FAIM2: variants seen among roughly 807,000 people sequenced by gnomAD.
The protein encoded by FAIM2 is protein lifeguard 2.
In FAIM2, 27 loss-of-function variants were observed where a neutral mutation model predicts 47.4. The ratio of observed to expected loss-of-function variants is 0.57; its 90% CI spans 0.42 to 0.78. FAIM2 has a LOEUF of 0.78. Ranked by LOEUF, FAIM2 falls within the 30% of genes least tolerant of loss-of-function variation. FAIM2 has a pLI of 0.00. For synonymous variants in FAIM2, 156 were observed against 159.3 expected (o/e 0.98, Z 0.16); for missense variants, 311 against 389.4 (o/e 0.80, Z 1.69).
chr12:49,898,520 TTTTTG>T (rs1307523121), intron 2 of FAIM2, among the ~76,000 whole-genome samples: 14 of 152,022 alleles, frequency 9.2e-5, no homozygotes, highest in African/African-American at 1.7e-4. Context: ...ATTCTTTTTG[TTTTTG>T]TTTTGTTTTG....
At chr12:49,882,311 C>T (rs573595174) in intron 11 of FAIM2, among the ~76,000 whole-genome samples, 17 of 152,220 alleles carry the variant, frequency 1.1e-4, no homozygotes, top group South Asian at 1.0e-3. Flanking sequence ...CCACAGAGTC[C>T]GCAGGCCTGA....
chr12:49,877,312 C>G (rs1044667301), intron 11 of FAIM2, among the ~76,000 whole-genome samples: 1 of 152,164 alleles, frequency 6.6e-6, no homozygotes, highest in Non-Finnish European at 1.5e-5. Context: ...ACTGATCAGT[C>G]CACCCACCCC....
rs372578269 is a variant in FAIM2, at chr12:49,879,160, ATG to A, written c.801+8224_801+8225del. ...TGCATGTTTGTGTATGTGCATGTGT[ATG>A]TGTGTGTGCATGAGTGCATGTGTAT... On this transcript the variant is annotated intron_variant, in intron 11 of 11. Coordinates refer to ENST00000320634, the MANE Select transcript of FAIM2 (RefSeq NM_012306.4). Among the ~76,000 whole-genome samples, 615 of 123,672 alleles carry A rather than the reference ATG, an allele frequency of 5.0e-3. 94 individuals carry two copies. Among genetic ancestry groups the A allele is most frequent in the African/African-American group, 0.017 (530 of 31,802 alleles). The allele number at this position is 123,672 out of a possible 152,430, so 81.1% of individuals were successfully genotyped here.
intron 1 of FAIM2, chr12:49,902,784 G>C (rs1323332187): frequency 6.6e-6 from 1 of 151,840 alleles, no homozygotes; most frequent in African/African-American, 2.4e-5. Flanking sequence ...CCGCCCCCCA[G>C]AGCCTCCTGG....
At chr12:49,883,182 G>A (rs931856952) in intron 11 of FAIM2, among the ~76,000 whole-genome samples, 1 of 152,118 alleles carries the variant, frequency 6.6e-6, no homozygotes, top group African/African-American at 2.4e-5. Flanking sequence ...AAGCGATTGC[G>A]GGATGCTCAA....
chr12:49,880,285 TGA>T (rs558656873), intron 11 of FAIM2, among the ~76,000 whole-genome samples: 273 of 148,288 alleles, frequency 1.8e-3, no homozygotes, highest in African/African-American at 5.8e-3. Context: ...TGTATGCATA[TGA>T]GTGTATCTGT....
intron 8 of FAIM2, among the ~76,000 whole-genome samples, chr12:49,889,792 G>GGTGGGA (rs1262935095): frequency 6.6e-6 from 1 of 152,180 alleles, no homozygotes; most frequent in Non-Finnish European, 1.5e-5. Context: ...ATCTTGATGA[G>GGTGGGA]GTGGGAGTGG....
chr12:49,889,020 C>A, intron 10 of FAIM2, 87 bp downstream of exon 10: 1 of 983,818 alleles, frequency 1.0e-6, no homozygotes, highest in Non-Finnish European at 1.6e-6. Flanking sequence ...TCCTGGCCTT[C>A]CCTGGCGGAT....
In FAIM2 at chr12:49,901,340, CAGAG is replaced by C. The variant is rs553731531; in HGVS notation, c.16-19_16-16del. On this transcript the variant is annotated splice_polypyrimidine_tract_variant and intron_variant, in intron 1 of 11. Coordinates refer to ENST00000320634, the MANE Select transcript of FAIM2 (RefSeq NM_012306.4). The stretch of plus-strand genomic sequence containing the variant: ...GCCACGGAGAGCTATGGAGTAGAGT[CAGAG>C]AGAGAGATAGTCACCAGGGAAAGGG... The C allele has an allele frequency of 4.7e-4, 720 of 1,517,506 alleles. No homozygotes were observed. Among genetic ancestry groups the C allele is most frequent in the Admixed American group, 2.1e-3 (95 of 44,332 alleles). 94.0% of individuals were successfully genotyped at this position (1,517,506 alleles called of 1,614,324 possible). A position where few individuals can be genotyped will look rare whatever the true frequency, so the allele number is the denominator to read the frequency against.
At chr12:49,890,921 G>A in intron 6 of FAIM2, 143 bp downstream of exon 6, 1 of 897,788 alleles carries the variant, frequency 1.1e-6, no homozygotes, top group Admixed American at 1.8e-5. Flanking sequence ...AAGGAGGGAG[G>A]GGCTGCCTGC....
At chr12:49,897,152 C>T in intron 4 of FAIM2, 68 bp from the exon 5 acceptor site, 1 of 1,256,120 alleles carries the variant, frequency 8.0e-7, no homozygotes, top group Non-Finnish European at 1.2e-6. Flanking sequence ...GGTTCAGCAT[C>T]TGCATCTGTC....
chr12:49,888,768 C>T (rs1052149315), intron 10 of FAIM2, among the ~76,000 whole-genome samples: 3 of 152,196 alleles, frequency 2.0e-5, no homozygotes, highest in Non-Finnish European at 2.9e-5. Context: ...CTGGGTCTGG[C>T]GGGCCTCATG....
chr12:49,873,324 G>T (rs1946715388), intron 11 of FAIM2, among the ~76,000 whole-genome samples: 1 of 152,156 alleles, frequency 6.6e-6, no homozygotes, highest in Non-Finnish European at 1.5e-5. Flanking sequence ...TTATGACAGT[G>T]TATGTGGCAT....
intron 2 of FAIM2, among the ~76,000 whole-genome samples, chr12:49,898,978 G>A (rs1407522182): frequency 6.6e-6 from 1 of 152,130 alleles, no homozygotes; most frequent in Non-Finnish European, 1.5e-5. Context: ...AAGTGGGGGT[G>A]AGGATGACAG....
At position 49,883,471 on chromosome 12, in the gene FAIM2, G is replaced by C. The variant is rs939408130; in HGVS notation, c.801+3915C>G. ...CCTGAGTGACAGGAAGATGGGGAAG[G>C]CTTTGGGAAAAGCAGGCATCCAGGG... is the stretch of plus-strand genomic sequence containing the variant. On this transcript the variant is annotated intron_variant, in intron 11 of 11. Transcript: ENST00000320634. 2.0e-5 allele frequency among the ~76,000 whole-genome samples: 3 copies of C among 152,124 alleles called. No individual in the cohort carries two copies. In the East Asian group the frequency reaches 5.8e-4, roughly 29 times the overall value.
chr12:49,878,983 CAT>C lies in FAIM2; in HGVS notation c.802-8332_802-8331del, dbSNP rs201955916. Reference sequence around the variant, plus strand: ...ATATGTGCGTATGTGTATATGTATGCATATGAGTGTATCTGTGTATGTGCATG... The same window carrying C: ...ATATGTGCGTATGTGTATATGTATGCATGAGTGTATCTGTGTATGTGCATG... On this transcript the variant is annotated intron_variant, in intron 11 of 11. Transcript: ENST00000320634. 1.2e-3 allele frequency among the ~76,000 whole-genome samples: 140 copies of C among 118,952 alleles called. 32 individuals are homozygous for C. The East Asian group carries it at 0.029, about 24-fold the overall frequency. 78.0% of individuals were successfully genotyped at this position (118,952 alleles called of 152,430 possible). A position where few individuals can be genotyped will look rare whatever the true frequency, so the allele number is the denominator to read the frequency against.
chr12:49,892,844 A>C (rs1012738958), intron 5 of FAIM2, among the ~76,000 whole-genome samples: 2 of 152,188 alleles, frequency 1.3e-5, no homozygotes, highest in African/African-American at 4.8e-5. Flanking sequence ...AGTAATGTTC[A>C]ACAGGTTAGA....
In FAIM2 at chr12:49,889,556, G is replaced by A; in HGVS notation, c.576C>T (p.Thr192=). 1 of 1,614,050 alleles carries A rather than the reference G, an allele frequency of 6.2e-7. No homozygotes were observed. Among genetic ancestry groups the A allele is most frequent in the Non-Finnish European group, 8.5e-7 (1 of 1,179,962 alleles). Residue 192 remains threonine (T), a synonymous_variant, in exon 9 of 12, where the codon ACC becomes ACT. Coordinates refer to ENST00000320634, the MANE Select transcript of FAIM2 (RefSeq NM_012306.4). ...LTGMLSSYYN[T]TSVLLCLGIT... is the part of the protein sequence containing the mutation. Reference sequence around the variant, plus strand: ...TGCCCAGGCACAGCAGCACGGAGGTGGTGTTGTAGTAGCTGAGGACCGTCA... The same window carrying A: ...TGCCCAGGCACAGCAGCACGGAGGTAGTGTTGTAGTAGCTGAGGACCGTCA...
chr12:49,892,109 C>T (rs535886699), intron 5 of FAIM2, among the ~76,000 whole-genome samples: 22 of 152,144 alleles, frequency 1.4e-4, no homozygotes, highest in Admixed American at 2.6e-4. Context: ...CAGGCCCCCT[C>T]ACTCTTCCCG....
Sources: gnomAD v4.1 joint callset for allele counts (sites outside exome capture counted in the v4.1 genomes callset) on GRCh38, gnomAD v4.1.1 for gene constraint, MANE v1.5 for transcripts, NCBI Gene and HGNC (gene_info 2026-07-23, HGNC 2026-07-21) for gene names.